The following PLEKHA5 variants were observed in gnomAD, a reference collection of about 807,000 sequenced individuals.
PLEKHA5 encodes pleckstrin homology domain containing A5, also known as pleckstrin homology domain-containing family A member 5.
Under a neutral mutation model 181.9 loss-of-function variants are expected in PLEKHA5, and 55 were observed. The ratio of observed to expected loss-of-function variants is 0.30; its 90% CI spans 0.24 to 0.38. PLEKHA5 has a LOEUF of 0.38. Among genes scored for constraint, PLEKHA5 ranks in the 10% least tolerant of loss-of-function variants. PLEKHA5 has a pLI of 1.00. For synonymous variants in PLEKHA5, 535 were observed against 529.4 expected (o/e 1.01, Z -0.15); for missense variants, 1,432 against 1,549.5 (o/e 0.92, Z 1.27).
At chr12:19,265,711 A>G in intron 7 of PLEKHA5, 39 bp from the exon 8 acceptor site, 1 of 1,169,312 alleles carries the variant, frequency 8.6e-7, no homozygotes, top group Non-Finnish European at 1.3e-6. Context: ...CTTCATAAGA[A>G]CATTTAAAAT....
intron 20 of PLEKHA5, among the ~76,000 whole-genome samples, chr12:19,329,254 G>T (rs962024686): frequency 1.3e-5 from 2 of 152,036 alleles, no homozygotes; most frequent in African/African-American, 4.8e-5. Flanking sequence ...TCTTGTTGAG[G>T]ATTTTTGCAT....
intron 21 of PLEKHA5, among the ~76,000 whole-genome samples, chr12:19,341,126 A>G (rs1325076698): frequency 6.6e-6 from 1 of 152,020 alleles, no homozygotes; most frequent in African/African-American, 2.4e-5. Flanking sequence ...ACAAAAAAAG[A>G]GAGAGCTGGG....
chr12:19,190,966 C>T (rs749964631), intron 3 of PLEKHA5, among the ~76,000 whole-genome samples: 1 of 152,106 alleles, frequency 6.6e-6, no homozygotes, highest in Non-Finnish European at 1.5e-5. Flanking sequence ...GCTAACTGGA[C>T]GAGTGTGGTG....
chr12:19,324,525 A>G (rs537856440), intron 20 of PLEKHA5, among the ~76,000 whole-genome samples: 1 of 152,306 alleles, frequency 6.6e-6, no homozygotes, highest in South Asian at 2.1e-4. Flanking sequence ...TCAAATCCAG[A>G]TCTTCTTACC....
In PLEKHA5 at chr12:19,366,125, T is replaced by G. The variant is rs2095415739; in HGVS notation, c.3754+16T>G. 2 of 1,578,914 alleles carry G rather than the reference T, an allele frequency of 1.3e-6. No homozygotes were observed. Among genetic ancestry groups the G allele is most frequent in the Non-Finnish European group, 1.7e-6 (2 of 1,162,504 alleles). On this transcript the variant is annotated intron_variant, in intron 30 of 31. Transcript: ENST00000429027. ...ACAATGGCAGGTAGGTAGTATACAC[T>G]TCATAATTTTCTACCTGGTGCTTCC... is the stretch of plus-strand genomic sequence containing the variant.
At chr12:19,359,307 G>C in intron 27 of PLEKHA5, 105 bp from the exon 28 acceptor site, 1 of 951,416 alleles carries the variant, frequency 1.1e-6, no homozygotes, top group Non-Finnish European at 1.5e-6. Flanking sequence ...TTCTTCATGA[G>C]TGGAGATCCA....
intron 26 of PLEKHA5, among the ~76,000 whole-genome samples, chr12:19,355,805 T>C (rs754489844): frequency 1.9e-4 from 29 of 151,980 alleles, no homozygotes; most frequent in Non-Finnish European, 3.8e-4. Context: ...GAAGATTTCA[T>C]TGGAAATGGT....
At chr12:19,158,149 G>A (rs1305657341) in intron 3 of PLEKHA5, among the ~76,000 whole-genome samples, 2 of 151,970 alleles carry the variant, frequency 1.3e-5, no homozygotes, top group Non-Finnish European at 2.9e-5. Flanking sequence ...TCAGGAGATC[G>A]AGACCATTCT....
chr12:19,187,462 C>T (rs959568219), intron 3 of PLEKHA5, among the ~76,000 whole-genome samples: 1 of 152,090 alleles, frequency 6.6e-6, no homozygotes, highest in Admixed American at 6.6e-5. Flanking sequence ...TTGTCTGGGG[C>T]TAGAGGAACT....
chr12:19,354,046 AT>A lies in PLEKHA5; in HGVS notation c.3138+47del, dbSNP rs2094760377. On this transcript the variant is annotated intron_variant, in intron 26 of 31. Coordinates refer to ENST00000429027, the MANE Select transcript of PLEKHA5 (RefSeq NM_001256470.2). ...ATCTTCTAGGAAGATTCTCACATCT[AT>A]TTATTGCTTTCTTACATGTTTTCAT... 9 of 851,554 alleles carry A rather than the reference AT, an allele frequency of 1.1e-5. No homozygotes were observed. In the East Asian group the frequency reaches 2.5e-4, roughly 24 times the overall value. 52.7% of individuals were successfully genotyped at this position (851,554 alleles called of 1,614,324 possible).
intron 30 of PLEKHA5, among the ~76,000 whole-genome samples, chr12:19,367,258 C>CTTTTTT (rs376634416): frequency 5.6e-5 from 4 of 72,004 alleles, no homozygotes; most frequent in African/African-American, 2.2e-4. Flanking sequence ...TTTGCTTCTT[C>CTTTTTT]TTTTTTTTTT....
chr12:19,303,999 G>T (rs1307624558), intron 15 of PLEKHA5, among the ~76,000 whole-genome samples: 1 of 151,618 alleles, frequency 6.6e-6, no homozygotes, highest in Non-Finnish European at 1.5e-5. Flanking sequence ...GTAGAGGGGG[G>T]GGTTTCACCA....
At chr12:19,229,393 T>C (rs1288654950) in intron 3 of PLEKHA5, among the ~76,000 whole-genome samples, 1 of 152,178 alleles carries the variant, frequency 6.6e-6, no homozygotes, top group Non-Finnish European at 1.5e-5. Flanking sequence ...TTCAGATGTG[T>C]TCGGAGTTTC....
chr12:19,274,973 G>A lies in PLEKHA5; in HGVS notation c.1303G>A (p.Glu435Lys). ...CCAGAAGGGGAGGGGTCATGAAGAA[G>A]AAACCAGGGGGTAAGTGTCTGTCTT... is the stretch of plus-strand genomic sequence containing the variant. ...KIQKGRGHEE[E>K]TRGVISYQTL... is the part of the protein sequence containing the mutation. The change falls in exon 11 of 32, where the codon GAA (glutamate) becomes AAA (lysine). Residue 435 changes from glutamate to lysine, a missense_variant. Transcript: ENST00000429027. 1 of 1,603,312 alleles carries A rather than the reference G, an allele frequency of 6.2e-7. No individual in the cohort carries two copies.
intron 11 of PLEKHA5, among the ~76,000 whole-genome samples, chr12:19,278,629 T>A (rs2075253638): frequency 6.6e-6 from 1 of 152,116 alleles, no homozygotes; most frequent in African/African-American, 2.4e-5. Flanking sequence ...TTGCACATAG[T>A]CATGGGATTG....
In PLEKHA5 at chr12:19,274,579, A is replaced by G. The variant is rs61755451; in HGVS notation, c.909A>G (p.Arg303=). The G allele has an allele frequency of 0.012, 18,898 of 1,613,522 alleles. 126 individuals are homozygous for G. Among genetic ancestry groups the G allele is most frequent in the Non-Finnish European group, 0.014 (16,856 of 1,179,616 alleles). Residue 303 remains arginine, a synonymous_variant, in exon 11 of 32, where the codon AGA becomes AGG. Coordinates refer to ENST00000429027, the MANE Select transcript of PLEKHA5 (RefSeq NM_001256470.2). ...AAACCAATAACATTCCCAACCATAGAGTGCTAATTAAACCAGAGATCCAAA... is the reference window on the plus strand; with the variant it reads ...AAACCAATAACATTCCCAACCATAGGGTGCTAATTAAACCAGAGATCCAAA... The part of the protein sequence containing the change: ...TKETNNIPNH[R]VLIKPEIQNN...
chr12:19,207,229 T>C (rs1274279077), intron 3 of PLEKHA5: 1 of 152,084 alleles, frequency 6.6e-6, no homozygotes, highest in Non-Finnish European at 1.5e-5. Flanking sequence ...GATTGTATTA[T>C]TATACTATTT....
intron 3 of PLEKHA5, among the ~76,000 whole-genome samples, chr12:19,240,640 TA>T (rs1469148196): frequency 7.1e-4 from 106 of 149,842 alleles, no homozygotes; most frequent in African/African-American, 2.2e-3. Flanking sequence ...TTATTATTAT[TA>T]TTATTTTTTT....
At chr12:19,249,706 T>A (rs2064753758) in intron 3 of PLEKHA5, among the ~76,000 whole-genome samples, 1 of 152,160 alleles carries the variant, frequency 6.6e-6, no homozygotes, top group African/African-American at 2.4e-5. Flanking sequence ...CTGCCTTTAT[T>A]CAGTTGAGAC....
Sources: allele counts gnomAD v4.1 joint callset (sites outside exome capture counted in the v4.1 genomes callset), GRCh38; gene constraint gnomAD v4.1.1; transcripts MANE v1.5; gene names NCBI Gene and HGNC (gene_info 2026-07-23, HGNC 2026-07-21).